Variants in GNB4 observed in about 807,000 individuals in gnomAD.
The protein encoded by GNB4 is G protein subunit beta 4.
A neutral mutation model predicts 45.2 loss-of-function variants in GNB4; 28 were observed. That is an observed-to-expected ratio of 0.62 (90% CI 0.46 to 0.85). The LOEUF is 0.85. Ranked by LOEUF, GNB4 falls within the 40% of genes least tolerant of loss-of-function variation. The probability of loss-of-function intolerance (pLI) is 0.00; values close to 1 mark genes in which losing one functional copy is unlikely to be tolerated. For synonymous variants in GNB4, 132 were observed against 143.7 expected (o/e 0.92, Z 0.58); for missense variants, 321 against 425.4 (o/e 0.75, Z 2.16).
At chr3:179,440,526 T>C (rs1256375666) in intron 1 of GNB4, among the ~76,000 whole-genome samples, 1 of 152,184 alleles carries the variant, frequency 6.6e-6, no homozygotes, top group African/African-American at 2.4e-5. Context: ...ATTATTTTTT[T>C]CAAGAACTTG....
At chr3:179,470,778 G>A in the GNB4 span, among the ~76,000 whole-genome samples, 11 of 151,950 alleles carry the variant, frequency 7.2e-5, no homozygotes, top group East Asian at 5.8e-4. Flanking sequence ...CACCGTGCCC[G>A]CAAGAAAATA....
At chr3:179,475,872 C>G in the GNB4 span, among the ~76,000 whole-genome samples, 1 of 152,192 alleles carries the variant, frequency 6.6e-6, no homozygotes. Context: ...ATGGCCTAAT[C>G]AACTGTTACT....
chr3:179,444,947 T>C (rs943200053), intron 1 of GNB4, among the ~76,000 whole-genome samples: 1 of 151,840 alleles, frequency 6.6e-6, no homozygotes, highest in Non-Finnish European at 1.5e-5. Context: ...TTTTAAACAA[T>C]CTCTGGGTAA....
At chr3:179,439,909 A>G (rs1715555250) in intron 1 of GNB4, among the ~76,000 whole-genome samples, 1 of 152,246 alleles carries the variant, frequency 6.6e-6, no homozygotes, top group Non-Finnish European at 1.5e-5. Context: ...CTTGCCTCAG[A>G]TATTTTCTTT....
chr3:179,479,660 C>T, the GNB4 span, among the ~76,000 whole-genome samples: 10 of 152,208 alleles, frequency 6.6e-5, no homozygotes, highest in South Asian at 8.3e-4. Context: ...TCACTAAGGT[C>T]GTCCTGTGAG....
At chr3:179,465,075 C>T in the GNB4 span, 17 of 1,466,388 alleles carry the variant, frequency 1.2e-5, no homozygotes, top group Non-Finnish European at 1.4e-5. Context: ...AAGAAACATA[C>T]AATTCTTGCA....
At chr3:179,453,690 T>C (rs1715937260), upstream of GNB4, among the ~76,000 whole-genome samples, 1 of 152,146 alleles carries the variant, frequency 6.6e-6, no homozygotes, top group African/African-American at 2.4e-5. Context: ...TTTAAAAGAA[T>C]GATATCGTCA....
the GNB4 span, among the ~76,000 whole-genome samples, chr3:179,483,137 CT>C: frequency 6.6e-6 from 1 of 152,030 alleles, no homozygotes; most frequent in Non-Finnish European, 1.5e-5. Context: ...TTATTTTTTT[CT>C]TTATTTCCTT....
In GNB4 at chr3:179,396,566, T is replaced by G. The variant is rs1490393537; in HGVS notation, c.*4647A>C. 1 of 152,228 alleles carries G rather than the reference T, an allele frequency of 6.6e-6. No homozygotes were observed. The highest frequency in any genetic ancestry group is 1.5e-5 in the Non-Finnish European group (1 of 68,028). The allele number at this position is 152,228 out of a possible 1,614,324, so 9.4% of individuals were successfully genotyped here. A position where few individuals can be genotyped will look rare whatever the true frequency, so the allele number is the denominator to read the frequency against. On this transcript the variant is annotated 3_prime_UTR_variant, in exon 10 of 10. Transcript: ENST00000232564. Reference sequence around the variant, plus strand: ...ATTAAGAAATAAATACTGTATGATGTAAGATTTTGTTGAATACATTTAACA... The same window carrying G: ...ATTAAGAAATAAATACTGTATGATGGAAGATTTTGTTGAATACATTTAACA...
chr3:179,476,588 A>G, the GNB4 span, among the ~76,000 whole-genome samples: 1 of 152,200 alleles, frequency 6.6e-6, no homozygotes, highest in African/African-American at 2.4e-5. Flanking sequence ...GTATTGCCCT[A>G]GTAGGGGCTC....
At position 179,446,668 on chromosome 3, in the gene GNB4, G is replaced by C. The variant is rs9870483; in HGVS notation, c.-43+4678C>G. Among the ~76,000 whole-genome samples the C allele has an allele frequency of 1.2e-4, 18 of 152,046 alleles. No individual in the cohort carries two copies. In the South Asian group the frequency reaches 3.3e-3, roughly 28 times the overall value. On this transcript the variant is annotated intron_variant, in intron 1 of 9. Coordinates refer to ENST00000232564, the MANE Select transcript of GNB4 (RefSeq NM_021629.4). ...TCTTGACCTATTCTACTCACTTGCC[G>C]CTTATTATCATCACTCCACCAGAGG...
At chr3:179,416,875 A>C (rs1228299802) in intron 4 of GNB4, among the ~76,000 whole-genome samples, 2 of 152,186 alleles carry the variant, frequency 1.3e-5, no homozygotes, top group Non-Finnish European at 2.9e-5. Context: ...GACTTACTTA[A>C]ATTTCATGAC....
At chr3:179,473,694 A>G in the GNB4 span, among the ~76,000 whole-genome samples, 1 of 152,190 alleles carries the variant, frequency 6.6e-6, no homozygotes, top group African/African-American at 2.4e-5. Flanking sequence ...CTCTATTTTG[A>G]AAACACGGAA....
chr3:179,506,701 T>C, the GNB4 span, among the ~76,000 whole-genome samples: 9 of 152,182 alleles, frequency 5.9e-5, no homozygotes, highest in Non-Finnish European at 8.8e-5. Context: ...TTTAGATTAT[T>C]GAAGTCAGTT....
the GNB4 span, among the ~76,000 whole-genome samples, chr3:179,501,307 T>A: frequency 3.3e-5 from 5 of 151,544 alleles, no homozygotes; most frequent in East Asian, 1.9e-4. Context: ...CATTTTTTTT[T>A]TTTTTTTTTG....
the GNB4 span, among the ~76,000 whole-genome samples, chr3:179,462,174 ATG>A: frequency 7.3e-4 from 110 of 150,362 alleles, no homozygotes; most frequent in Non-Finnish European, 1.2e-3. Context: ...GTGTGTGCAC[ATG>A]TGTGTGTGTG....
chr3:179,451,103 T>C (rs1715860492), intron 1 of GNB4: 1 of 152,016 alleles, frequency 6.6e-6, no homozygotes, highest in African/African-American at 2.4e-5. Flanking sequence ...GCCCGGGAAG[T>C]GCCTGCGCCG....
chr3:179,516,058 TAG>T, the GNB4 span, among the ~76,000 whole-genome samples: 1 of 152,182 alleles, frequency 6.6e-6, no homozygotes, highest in Non-Finnish European at 1.5e-5. Context: ...GACATCCAAT[TAG>T]AGAGTGCCCA....
the GNB4 span, among the ~76,000 whole-genome samples, chr3:179,458,108 T>C: frequency 6.6e-6 from 1 of 152,218 alleles, no homozygotes; most frequent in East Asian, 1.9e-4. Flanking sequence ...TTTCACCATA[T>C]TGACCAGGCT....
Sources: allele counts gnomAD v4.1 joint callset (sites outside exome capture counted in the v4.1 genomes callset), GRCh38; gene constraint gnomAD v4.1.1; transcripts MANE v1.5; gene names NCBI Gene and HGNC (gene_info 2026-07-23, HGNC 2026-07-21).